CFAP299: variants seen among roughly 807,000 people sequenced by gnomAD.
The protein encoded by CFAP299 is cilia- and flagella-associated protein 299.
A neutral mutation model predicts 27.0 loss-of-function variants in CFAP299; 21 were observed. That is an observed-to-expected ratio of 0.78 (90% CI 0.55 to 1.12). The LOEUF (loss-of-function observed/expected upper bound fraction) is 1.12. Among genes scored for constraint, CFAP299 ranks in the 50% most tolerant of loss-of-function variants. CFAP299 has a pLI of 0.00. For missense variants in CFAP299, 310 were observed against 276.6 expected, an observed-to-expected ratio of 1.12 and a Z score of -0.86; for synonymous variants, 104 against 98.1, an observed-to-expected ratio of 1.06 and a Z score of -0.36.
chr4:80,382,197 A>G lies in CFAP299; in HGVS notation c.242+19313A>G, dbSNP rs570536648. Among the ~76,000 whole-genome samples, 4 of 152,330 alleles carry G rather than the reference A, an allele frequency of 2.6e-5. 1 individual carries two copies. The highest frequency in any genetic ancestry group is 2.1e-4 in the South Asian group (1 of 4,834). On this transcript the variant is annotated intron_variant, in intron 2 of 5. Transcript: ENST00000358105. The stretch of plus-strand genomic sequence containing the variant: ...AGGCTTAAATGTAAAACCAAAAACT[A>G]TAAAAACTCTGGAAGACAACCTAGG...
intron 2 of CFAP299, among the ~76,000 whole-genome samples, chr4:80,372,783 A>G (rs748692799): frequency 5.9e-5 from 9 of 152,248 alleles, no homozygotes; most frequent in Non-Finnish European, 1.2e-4. Context: ...CCCAGATTCC[A>G]TTATGACAGA....
chr4:80,483,652 G>T (rs921507654), intron 2 of CFAP299, among the ~76,000 whole-genome samples: 1 of 152,026 alleles, frequency 6.6e-6, no homozygotes, highest in African/African-American at 2.4e-5. Context: ...GTAACAGCCA[G>T]TTCTAAAGGG....
At chr4:80,593,432 T>G (rs528972633) in intron 3 of CFAP299, among the ~76,000 whole-genome samples, 1 of 152,232 alleles carries the variant, frequency 6.6e-6, no homozygotes, top group African/African-American at 2.4e-5. Flanking sequence ...TGTTAACTGT[T>G]GCAATGATAA....
At chr4:80,902,314 T>A (rs975496893) in intron 4 of CFAP299, among the ~76,000 whole-genome samples, 12 of 148,400 alleles carry the variant, frequency 8.1e-5, no homozygotes, top group African/African-American at 2.9e-4. Context: ...ATTTTATCCA[T>A]ATATATATGG....
intron 3 of CFAP299, among the ~76,000 whole-genome samples, chr4:80,863,924 C>A (rs1732535047): frequency 6.6e-6 from 1 of 151,766 alleles, no homozygotes; most frequent in African/African-American, 2.4e-5. Context: ...TGAAAAAGAT[C>A]ATATATTGTA....
At chr4:80,603,767 T>A (rs1737492370) in intron 3 of CFAP299, among the ~76,000 whole-genome samples, 1 of 152,168 alleles carries the variant, frequency 6.6e-6, no homozygotes, top group Non-Finnish European at 1.5e-5. Context: ...CAAATATTAA[T>A]AAGGTTGAAA....
intron 3 of CFAP299, among the ~76,000 whole-genome samples, chr4:80,824,433 G>A (rs1729873889): frequency 6.6e-6 from 1 of 152,096 alleles, no homozygotes; most frequent in Admixed American, 6.6e-5. Flanking sequence ...CAGAAGTACA[G>A]ACACATAGGT....
At chr4:80,693,512 A>G (rs1200440886) in intron 3 of CFAP299, among the ~76,000 whole-genome samples, 2 of 129,824 alleles carry the variant, frequency 1.5e-5, no homozygotes, top group Admixed American at 1.7e-4. Flanking sequence ...ACACATGGAC[A>G]CAGGAAGGGG....
At chr4:80,688,096 G>T (rs868060837) in intron 3 of CFAP299, among the ~76,000 whole-genome samples, 2 of 152,094 alleles carry the variant, frequency 1.3e-5, no homozygotes, top group African/African-American at 2.4e-5. Context: ...ACTGCAAGAC[G>T]GCAGCGAGGC....
At chr4:80,800,185 TGTA>T (rs1728345305) in intron 3 of CFAP299, among the ~76,000 whole-genome samples, 1 of 71,716 alleles carries the variant, frequency 1.4e-5, no homozygotes, top group Non-Finnish European at 2.3e-5. Flanking sequence ...TATAATAATA[TGTA>T]ATACTATATA....
intron 3 of CFAP299, among the ~76,000 whole-genome samples, chr4:80,685,994 G>A (rs559416151): frequency 1.3e-5 from 2 of 152,180 alleles, no homozygotes; most frequent in Middle Eastern, 3.4e-3. Flanking sequence ...TCATCTTCTT[G>A]TGGGAACTAA....
chr4:80,583,914 A>G (rs905840736), intron 3 of CFAP299, among the ~76,000 whole-genome samples: 4 of 151,962 alleles, frequency 2.6e-5, no homozygotes, highest in African/African-American at 9.7e-5. Context: ...CAACAGAAAA[A>G]TATGTATATA....
At chr4:80,494,913 C>A (rs1295672404) in intron 2 of CFAP299, among the ~76,000 whole-genome samples, 1 of 152,308 alleles carries the variant, frequency 6.6e-6, no homozygotes, top group Admixed American at 6.5e-5. Flanking sequence ...CAAATTCTAG[C>A]AGGTCAGTCA....
intron 4 of CFAP299, among the ~76,000 whole-genome samples, chr4:80,918,005 C>G (rs1007201776): frequency 7.2e-5 from 11 of 152,086 alleles, no homozygotes; most frequent in African/African-American, 2.7e-4. Flanking sequence ...ATATTTAGAA[C>G]AAAAATTAAA....
chr4:80,588,629 AG>A (rs1736568093), intron 3 of CFAP299, among the ~76,000 whole-genome samples: 1 of 150,870 alleles, frequency 6.6e-6, no homozygotes, highest in East Asian at 1.9e-4. Context: ...TGTAATAAAA[AG>A]CTTTCCCAGT....
chr4:80,901,145 T>C (rs543722249), intron 4 of CFAP299, among the ~76,000 whole-genome samples: 1 of 152,224 alleles, frequency 6.6e-6, no homozygotes, highest in African/African-American at 2.4e-5. Flanking sequence ...TCTCCCTAAG[T>C]GCATGAAGCA....
intron 3 of CFAP299, among the ~76,000 whole-genome samples, chr4:80,725,238 G>A (rs925515576): frequency 1.4e-5 from 2 of 145,764 alleles, no homozygotes; most frequent in Non-Finnish European, 3.0e-5. Context: ...TTACAGACAA[G>A]AGCCACCACA....
intron 3 of CFAP299, among the ~76,000 whole-genome samples, chr4:80,671,241 T>G (rs188255986): frequency 0.011 from 1,636 of 152,324 alleles, 24 homozygotes; most frequent in African/African-American, 0.037. Context: ...ATTTATTAAA[T>G]AGGGAATCCT....
In CFAP299 at chr4:80,684,983, C is replaced by G. The variant is rs564458244; in HGVS notation, c.333+101800C>G. ...AATAGTAAACTTCATATAAACGGTA[C>G]AATAATGTATGTATTATTTTCTGTA... On this transcript the variant is annotated intron_variant, in intron 3 of 5. Transcript: ENST00000358105. 2.4e-3 allele frequency among the ~76,000 whole-genome samples: 366 copies of G among 152,040 alleles called. 1 individual carries two copies. Among genetic ancestry groups the G allele is most frequent in the African/African-American group, 8.4e-3 (348 of 41,462 alleles).
Sources: gnomAD v4.1 joint callset for allele counts (sites outside exome capture counted in the v4.1 genomes callset) on GRCh38, gnomAD v4.1.1 for gene constraint, MANE v1.5 for transcripts, NCBI Gene and HGNC (gene_info 2026-07-23, HGNC 2026-07-21) for gene names.